Variants in ANK3 observed in about 807,000 individuals in gnomAD.
ANK3 encodes the protein ankyrin 3.
In ANK3, 57 loss-of-function variants were observed where a neutral mutation model predicts 370.9. The observed-to-expected ratio is 0.15, with a 90% CI of 0.12 to 0.19. ANK3 has a LOEUF of 0.19. ANK3 is among the 10% of genes least tolerant of loss of function. ANK3 has a pLI of 1.00. For synonymous variants in ANK3, 1,929 were observed against 1,946.3 expected (o/e 0.99, Z 0.23); for missense variants, 4,439 against 5,302.1 (o/e 0.84, Z 5.06).
chr10:60,200,513 T>C (rs1372769877), intron 12 of ANK3, among the ~76,000 whole-genome samples: 2 of 152,080 alleles, frequency 1.3e-5, no homozygotes, highest in African/African-American at 4.8e-5. Flanking sequence ...TCAGTGCTCA[T>C]AGGAGCCAAG....
rs552324235 is a variant in ANK3, at chr10:60,599,044, T to G, written c.96+16142A>C. The stretch of plus-strand genomic sequence containing the variant: ...CCTGGGCTCAAGCAATCCTCCCACC[T>G]GAGCCTCCTGAGTAGCTGGGACTAC... On this transcript the variant is annotated intron_variant, in intron 2 of 43. Transcript: ENST00000373827. 3.9e-5 allele frequency among the ~76,000 whole-genome samples: 6 copies of G among 152,274 alleles called. No homozygotes were observed. The South Asian group carries it at 1.0e-3, about 26-fold the overall frequency.
chr10:60,521,251 A>G (rs1194270935), intron 2 of ANK3, among the ~76,000 whole-genome samples: 1 of 152,130 alleles, frequency 6.6e-6, no homozygotes, highest in Non-Finnish European at 1.5e-5. Flanking sequence ...GCAACAGTAT[A>G]TTATTTTAAG....
chr10:60,031,400 CAG>C (rs2073513335), intron 43 of ANK3, among the ~76,000 whole-genome samples: 1 of 152,216 alleles, frequency 6.6e-6, no homozygotes, highest in South Asian at 2.1e-4. Context: ...CATTCTTTGG[CAG>C]AGGTTTTCAT....
chr10:60,431,549 T>C, intron 2 of ANK3, among the ~76,000 whole-genome samples: 1 of 152,224 alleles, frequency 6.6e-6, no homozygotes, highest in East Asian at 1.9e-4. Flanking sequence ...ATAATTATTA[T>C]TACCATCATT....
chr10:60,549,786 A>G lies in ANK3; in HGVS notation c.96+65400T>C, dbSNP rs72822814. 3.4e-3 allele frequency among the ~76,000 whole-genome samples: 522 copies of G among 152,320 alleles called. 6 individuals carry two copies. The highest frequency in any genetic ancestry group is 5.8e-3 in the Non-Finnish European group (397 of 67,992). ...TGAAAGAGGAGATCCAAAGCAGTAC[A>G]TATACAGGTACATAGAAGGCATTTT... On this transcript the variant is annotated intron_variant, in intron 2 of 43. Transcript: ENST00000373827.
At chr10:60,059,916 T>C (rs149023909) in intron 40 of ANK3, 26 of 1,614,008 alleles carry the variant, frequency 1.6e-5, no homozygotes, top group Non-Finnish European at 2.1e-5. Context: ...GCTAGAGATA[T>C]CACTAAAATA....
Position 60,368,665 on chromosome 10 carries a change from G to A in ANK3, c.114+20760C>T, listed in dbSNP as rs186929637. Among the ~76,000 whole-genome samples, 298 of 152,284 alleles carry A rather than the reference G, an allele frequency of 2.0e-3. 1 individual carries two copies. The highest frequency in any genetic ancestry group is 3.4e-3 in the Non-Finnish European group (233 of 68,024). ...TACTTGAAATATTTTTGACAGGCTG[G>A]AAACTGACCTGCTCCTCCTTTAATA... is the stretch of plus-strand genomic sequence containing the variant. On this transcript the variant is annotated intron_variant, in intron 1 of 43. Coordinates refer to ENST00000280772, the MANE Select transcript of ANK3 (RefSeq NM_020987.5).
chr10:60,053,714 C>T (rs1398629813), intron 42 of ANK3: 3 of 1,303,864 alleles, frequency 2.3e-6, no homozygotes, highest in Non-Finnish European at 1.0e-6. Context: ...AGGAGCCGCA[C>T]CCGGACTTTT....
intron 16 of ANK3, among the ~76,000 whole-genome samples, chr10:60,188,312 G>A (rs1440486577): frequency 2.0e-5 from 3 of 152,154 alleles, no homozygotes; most frequent in Non-Finnish European, 4.4e-5. Flanking sequence ...CCAAGAAAGA[G>A]TTTTGGGGGA....
chr10:60,695,279 T>C (rs529971495), intron 1 of ANK3, among the ~76,000 whole-genome samples: 141 of 152,020 alleles, frequency 9.3e-4, no homozygotes, highest in African/African-American at 3.1e-3. Flanking sequence ...CAAAGAGACT[T>C]AGACTCCCAC....
At chr10:60,440,853 G>C (rs1435864542) in intron 2 of ANK3, among the ~76,000 whole-genome samples, 1 of 152,180 alleles carries the variant, frequency 6.6e-6, no homozygotes, top group Non-Finnish European at 1.5e-5. Context: ...ATGTGTGTGA[G>C]GTGGCATATA....
chr10:60,293,815 G>C (rs2041967684), intron 1 of ANK3, among the ~76,000 whole-genome samples: 1 of 152,146 alleles, frequency 6.6e-6, no homozygotes, highest in African/African-American at 2.4e-5. Flanking sequence ...ACAAACTGCT[G>C]AGTCCCTTAG....
intron 1 of ANK3, among the ~76,000 whole-genome samples, chr10:60,649,939 T>G (rs1186045702): frequency 6.6e-6 from 1 of 152,200 alleles, no homozygotes; most frequent in Non-Finnish European, 1.5e-5. Context: ...CAGTTCATGA[T>G]CTGTCACCTT....
chr10:60,132,671 C>T (rs1195003230), intron 25 of ANK3, among the ~76,000 whole-genome samples: 3 of 151,072 alleles, frequency 2.0e-5, no homozygotes, highest in Admixed American at 2.0e-4. Flanking sequence ...GGCTGGAGTA[C>T]AGTGGTGCAA....
intron 28 of ANK3, among the ~76,000 whole-genome samples, chr10:60,090,168 T>C (rs1041125913): frequency 8.6e-5 from 13 of 151,888 alleles, no homozygotes; most frequent in African/African-American, 3.1e-4. Context: ...AAGTACAAAA[T>C]TTAGCTGGGT....
chr10:60,689,254 C>T (rs1564557960), intron 1 of ANK3, among the ~76,000 whole-genome samples: 1 of 152,076 alleles, frequency 6.6e-6, no homozygotes, highest in Non-Finnish European at 1.5e-5. Flanking sequence ...AAAAAATTAG[C>T]CAGATGTGGT....
At chr10:60,579,486 C>G (rs919740299) in intron 2 of ANK3, among the ~76,000 whole-genome samples, 5 of 151,898 alleles carry the variant, frequency 3.3e-5, no homozygotes, top group African/African-American at 1.2e-4. Flanking sequence ...CTAAGAAGCT[C>G]CTGCCTTATT....
chr10:60,082,621 A>C lies in ANK3; in HGVS notation c.4317T>G (p.His1439Gln). The change falls in exon 34 of 44, where the codon CAT becomes CAG. Residue 1439 changes from histidine to glutamine, a missense_variant. His to Gln is a conservative substitution (Grantham distance 24, BLOSUM62 0). Transcript: ENST00000280772. ...VCNLNITLPA[H>Q]KKETESDQDD... ...AAGCAGTATTAAAAGATACCTTTTT[A>C]TGTGCTGGCAGAGTGATATTTAAGT... is the stretch of plus-strand genomic sequence containing the variant. The C allele has an allele frequency of 1.2e-6, 2 of 1,613,572 alleles. No homozygotes were observed. The highest frequency in any genetic ancestry group is 1.7e-6 in the Non-Finnish European group (2 of 1,179,844).
intron 2 of ANK3, among the ~76,000 whole-genome samples, chr10:60,457,269 G>A (rs1458226012): frequency 2.0e-5 from 3 of 152,138 alleles, no homozygotes; most frequent in African/African-American, 7.2e-5. Context: ...TAATTGAAAG[G>A]AGCCTACAAA....
Sources: allele counts gnomAD v4.1 joint callset (sites outside exome capture counted in the v4.1 genomes callset), GRCh38; gene constraint gnomAD v4.1.1; transcripts MANE v1.5; gene names NCBI Gene and HGNC (gene_info 2026-07-23, HGNC 2026-07-21).